The following RAP1GAP2 variants were observed in gnomAD, a reference collection of about 807,000 sequenced individuals.
RAP1GAP2 encodes the protein rap1 GTPase-activating protein 2.
Under a neutral mutation model 95.0 loss-of-function variants are expected in RAP1GAP2, and 27 were observed. The observed-to-expected ratio is 0.28, with a 90% CI of 0.21 to 0.39. The LOEUF (loss-of-function observed/expected upper bound fraction) is 0.39, where lower values mean the gene tolerates loss of function less well. Ranked by LOEUF, RAP1GAP2 falls within the 10% of genes least tolerant of loss-of-function variation. The probability of loss-of-function intolerance (pLI) is 1.00; values close to 1 mark genes in which losing one functional copy is unlikely to be tolerated. For synonymous variants in RAP1GAP2, 373 were observed against 380.9 expected (o/e 0.98, Z 0.24); for missense variants, 771 against 970.0 (o/e 0.79, Z 2.72).
At chr17:2,980,555 G>A (rs556271032) in intron 9 of RAP1GAP2, among the ~76,000 whole-genome samples, 190 bp downstream of exon 9, 61 of 152,260 alleles carry the variant, frequency 4.0e-4, no homozygotes, top group African/African-American at 1.4e-3. Flanking sequence ...TCTTTCCTAC[G>A]CCCTCCATAG....
At chr17:2,802,166 CAGA>C (rs2069329682) in intron 2 of RAP1GAP2, among the ~76,000 whole-genome samples, 2 of 152,202 alleles carry the variant, frequency 1.3e-5, no homozygotes, top group Non-Finnish European at 1.5e-5. Flanking sequence ...CCCATCTCGG[CAGA>C]AGGTTTTCCC....
chr17:2,904,828 G>C lies in RAP1GAP2; in HGVS notation c.81-456G>C, dbSNP rs375698244. ...CCATACTTAGAGTAGCACTGCTTTA[G>C]ATTTTGGTGCATTGGAGTAAAGAAA... On this transcript the variant is annotated intron_variant, in intron 2 of 24. Transcript: ENST00000254695. The surrounding 1 kb of genome is among the most constrained non-coding windows in gnomAD (Gnocchi z 4.7). 1.3e-5 allele frequency among the ~76,000 whole-genome samples: 2 copies of C among 152,084 alleles called. No individual in the cohort carries two copies. The highest frequency in any genetic ancestry group is 2.9e-5 in the Non-Finnish European group (2 of 68,030).
chr17:2,808,799 G>A (rs1292551731), intron 2 of RAP1GAP2, among the ~76,000 whole-genome samples: 1 of 152,194 alleles, frequency 6.6e-6, no homozygotes, highest in Non-Finnish European at 1.5e-5. Context: ...TGGCATGTGT[G>A]GGGGCATGTG....
At chr17:2,844,636 C>T (rs1040795470) in intron 2 of RAP1GAP2, among the ~76,000 whole-genome samples, 2 of 152,144 alleles carry the variant, frequency 1.3e-5, no homozygotes, top group African/African-American at 2.4e-5. Flanking sequence ...TTTGTGTTTA[C>T]CTTTTAGGCT....
chr17:3,018,535 G>A (rs931239756), intron 18 of RAP1GAP2, among the ~76,000 whole-genome samples: 2 of 152,086 alleles, frequency 1.3e-5, no homozygotes, highest in East Asian at 1.9e-4. Context: ...TCAGGGGCTC[G>A]GGACCCATGA....
intron 16 of RAP1GAP2, among the ~76,000 whole-genome samples, chr17:3,007,255 G>A (rs376380719): frequency 3.3e-5 from 5 of 152,116 alleles, no homozygotes; most frequent in African/African-American, 1.2e-4. Context: ...CTGGTAAAGC[G>A]CTTAGGCAGG....
At chr17:2,849,658 G>A (rs1478134987) in intron 2 of RAP1GAP2, among the ~76,000 whole-genome samples, 1 of 152,224 alleles carries the variant, frequency 6.6e-6, no homozygotes, top group Non-Finnish European at 1.5e-5. Flanking sequence ...AGAGACCTGG[G>A]CTGGCAGCTG....
At chr17:2,957,479 G>A (rs573123992) in intron 3 of RAP1GAP2, among the ~76,000 whole-genome samples, 63 of 152,358 alleles carry the variant, frequency 4.1e-4, no homozygotes, top group African/African-American at 1.5e-3. Context: ...CTTCCCAGGG[G>A]CCGGCAGGCC....
chr17:2,758,170 C>T (rs1433556565), intron 1 of RAP1GAP2, among the ~76,000 whole-genome samples: 2 of 127,768 alleles, frequency 1.6e-5, no homozygotes, highest in Non-Finnish European at 1.6e-5. Flanking sequence ...CGCCTGGCCA[C>T]GCCCCCCCCC....
chr17:2,956,726 C>T (rs1383933489), intron 3 of RAP1GAP2, among the ~76,000 whole-genome samples: 1 of 152,156 alleles, frequency 6.6e-6, no homozygotes, highest in African/African-American at 2.4e-5. Flanking sequence ...TTGCCAGCCC[C>T]TCACGCTTCC....
intron 2 of RAP1GAP2, among the ~76,000 whole-genome samples, chr17:2,898,324 A>G (rs2041908313): frequency 6.6e-6 from 1 of 152,146 alleles, no homozygotes; most frequent in Non-Finnish European, 1.5e-5. Flanking sequence ...CCTGCCAGGT[A>G]GGAACAGGTG....
chr17:2,991,264 T>G (rs1597812141), intron 11 of RAP1GAP2, 33 bp from the exon 12 acceptor site: 1 of 1,509,204 alleles, frequency 6.6e-7, no homozygotes, highest in East Asian at 2.4e-5. Context: ...AGAATTTTTC[T>G]AATTCCTGCC....
intron 4 of RAP1GAP2, chr17:2,962,273 A>G (rs1223929760): frequency 8.9e-6 from 2 of 225,442 alleles, no homozygotes; most frequent in African/African-American, 2.4e-5. Flanking sequence ...CATTTATTAT[A>G]TACCAGTCAG....
chr17:2,880,388 A>C (rs1421817924), intron 2 of RAP1GAP2, among the ~76,000 whole-genome samples: 1 of 150,322 alleles, frequency 6.7e-6, no homozygotes, highest in Non-Finnish European at 1.5e-5. Flanking sequence ...TTTGAGCCAC[A>C]TGGTCATGGG....
upstream of RAP1GAP2, among the ~76,000 whole-genome samples, chr17:2,772,590 C>A (rs2068417568): frequency 1.3e-5 from 2 of 152,036 alleles, no homozygotes; most frequent in Non-Finnish European, 2.9e-5. Context: ...CCACTGTGCC[C>A]AGCCAATAGT....
intron 2 of RAP1GAP2, among the ~76,000 whole-genome samples, chr17:2,807,762 C>T (rs1025824821): frequency 5.9e-5 from 9 of 151,986 alleles, no homozygotes; most frequent in African/African-American, 2.2e-4. Context: ...CAGGCCACGT[C>T]TGGGAGGGTA....
At chr17:2,916,327 C>G (rs1297506783) in intron 3 of RAP1GAP2, among the ~76,000 whole-genome samples, 1 of 152,232 alleles carries the variant, frequency 6.6e-6, no homozygotes, top group Non-Finnish European at 1.5e-5. Flanking sequence ...GATCATGGCA[C>G]TCTTTCCCAA....
intron 10 of RAP1GAP2, among the ~76,000 whole-genome samples, chr17:2,982,700 A>G (rs1016551397): frequency 7.2e-5 from 11 of 152,056 alleles, no homozygotes; most frequent in Admixed American, 2.6e-4. Flanking sequence ...AAATCCCATC[A>G]TAAAGGTCTA....
chr17:2,907,841 T>A (rs1318609042), intron 3 of RAP1GAP2, among the ~76,000 whole-genome samples: 4 of 152,072 alleles, frequency 2.6e-5, no homozygotes, highest in Admixed American at 2.0e-4. Flanking sequence ...AGAGCCTTGC[T>A]CTGTCGCCGA....
Sources: gnomAD v4.1 joint callset for allele counts (sites outside exome capture counted in the v4.1 genomes callset) on GRCh38, gnomAD v4.1.1 for gene constraint, Gnocchi (gnomAD v3.1) non-coding constraint, MANE v1.5 for transcripts, NCBI Gene and HGNC (gene_info 2026-07-23, HGNC 2026-07-21) for gene names.